NKAIN2: variants seen among roughly 807,000 people sequenced by gnomAD.
NKAIN2 encodes the protein sodium/potassium transporting ATPase interacting 2, also known as sodium/potassium-transporting ATPase subunit beta-1-interacting protein 2.
Under a neutral mutation model 32.6 loss-of-function variants are expected in NKAIN2, and 14 were observed. The observed-to-expected ratio is 0.43, with a 90% CI of 0.28 to 0.67. NKAIN2 has a LOEUF of 0.67. NKAIN2 is among the 30% of genes least tolerant of loss of function. NKAIN2 has a pLI of 0.17. For missense variants in NKAIN2, 198 were observed against 258.3 expected, an observed-to-expected ratio of 0.77 and a Z score of 1.60; for synonymous variants, 80 against 87.2, an observed-to-expected ratio of 0.92 and a Z score of 0.46.
intron 1 of NKAIN2, among the ~76,000 whole-genome samples, chr6:124,253,400 T>C (rs1228927851): frequency 2.0e-5 from 3 of 152,168 alleles, no homozygotes; most frequent in Admixed American, 6.6e-5. Flanking sequence ...GGAAATCATG[T>C]CTTTTGCAAA....
chr6:124,649,152 TAA>T (rs1054849245), intron 3 of NKAIN2, among the ~76,000 whole-genome samples: 1 of 151,858 alleles, frequency 6.6e-6, no homozygotes. Flanking sequence ...TCAATAAAAT[TAA>T]AAATAAGAAA....
chr6:124,413,528 T>G lies in NKAIN2; in HGVS notation c.273+58181T>G, dbSNP rs1774319117. ...TCTTTTTCAAAGATGTTTTGGTGCT[T>G]TTCAAAGTTTTGTGTTTCCATACAA... On this transcript the variant is annotated intron_variant, in intron 3 of 6. Coordinates refer to ENST00000368417, the MANE Select transcript of NKAIN2 (RefSeq NM_001040214.3). 3.3e-5 allele frequency among the ~76,000 whole-genome samples: 5 copies of G among 152,198 alleles called. No individual in the cohort carries two copies. The South Asian group carries it at 1.0e-3, about 32-fold the overall frequency.
intron 4 of NKAIN2, among the ~76,000 whole-genome samples, chr6:124,709,405 G>C (rs1433958532): frequency 6.6e-6 from 1 of 151,326 alleles, no homozygotes; most frequent in African/African-American, 2.4e-5. Flanking sequence ...AATAGTTTCA[G>C]AAGGAATGGT....
intron 3 of NKAIN2, among the ~76,000 whole-genome samples, chr6:124,482,358 C>T (rs929225294): frequency 4.0e-5 from 6 of 150,884 alleles, no homozygotes; most frequent in Middle Eastern, 3.4e-3. Flanking sequence ...AATAAAATTC[C>T]TTTATAATTC....
intron 4 of NKAIN2, among the ~76,000 whole-genome samples, chr6:124,668,829 G>C (rs896539507): frequency 6.6e-6 from 1 of 152,096 alleles, no homozygotes; most frequent in African/African-American, 2.4e-5. Context: ...AAGGAAGCTT[G>C]ATAATAAAAA....
At chr6:123,868,037 T>G (rs1772647751) in intron 1 of NKAIN2, among the ~76,000 whole-genome samples, 1 of 151,902 alleles carries the variant, frequency 6.6e-6, no homozygotes, top group East Asian at 1.9e-4. Context: ...CCCGGCTAAT[T>G]TTTTGTATTT....
intron 1 of NKAIN2, among the ~76,000 whole-genome samples, chr6:123,916,356 G>A (rs1249672735): frequency 1.3e-5 from 2 of 152,206 alleles, no homozygotes; most frequent in East Asian, 1.9e-4. Context: ...TGGTTCAAAC[G>A]ATTCTCCTGC....
rs1582890472 is a variant in NKAIN2 at position 124,231,063 on chromosome 6, A to G, written c.55-51942A>G. On this transcript the variant is annotated intron_variant, in intron 1 of 6. Transcript: ENST00000368417. ...ATACCCTGCAAAACTGCAGGGGCAG[A>G]GCTACCCAAGACCGTGGGAACCCAC... Among the ~76,000 whole-genome samples, 7 of 152,346 alleles carry G rather than the reference A, an allele frequency of 4.6e-5. No homozygotes were observed. The South Asian group carries it at 1.4e-3, about 32-fold the overall frequency.
intron 1 of NKAIN2, among the ~76,000 whole-genome samples, chr6:123,855,524 G>A (rs1478674970): frequency 2.0e-5 from 3 of 152,166 alleles, no homozygotes; most frequent in Admixed American, 2.0e-4. Flanking sequence ...CTGATTCTTT[G>A]TGGTTGGGTG....
intron 2 of NKAIN2, among the ~76,000 whole-genome samples, chr6:124,312,715 A>G (rs577585812): frequency 1.8e-4 from 28 of 152,230 alleles, no homozygotes; most frequent in African/African-American, 6.3e-4. Flanking sequence ...TGAAGCAATG[A>G]ACAATTATGC....
chr6:123,891,107 A>T (rs1773990699), intron 1 of NKAIN2, among the ~76,000 whole-genome samples: 1 of 152,196 alleles, frequency 6.6e-6, no homozygotes, highest in Non-Finnish European at 1.5e-5. Context: ...GGACAAATGT[A>T]TGATTTCACT....
In NKAIN2 at chr6:123,945,534, G is replaced by A. The variant is rs560663458; in HGVS notation, c.54+141280G>A. On this transcript the variant is annotated intron_variant, in intron 1 of 6. Transcript: ENST00000368417. ...TCTTCCTCAATGACTGAGTGACTAT[G>A]AACATGTACTCTGTGGTCCCAGCAG... is the stretch of plus-strand genomic sequence containing the variant. 1.9e-3 allele frequency among the ~76,000 whole-genome samples: 294 copies of A among 152,180 alleles called. 1 individual carries two copies. Among genetic ancestry groups the A allele is most frequent in the South Asian group, 3.7e-3 (18 of 4,828 alleles).
At chr6:124,199,263 A>G (rs1011786786) in intron 1 of NKAIN2, among the ~76,000 whole-genome samples, 5 of 152,214 alleles carry the variant, frequency 3.3e-5, no homozygotes, top group African/African-American at 9.6e-5. Flanking sequence ...AGAAAAATCC[A>G]TCACATTAGT....
chr6:124,411,937 T>A (rs1226489153), intron 3 of NKAIN2, among the ~76,000 whole-genome samples: 1 of 152,204 alleles, frequency 6.6e-6, no homozygotes, highest in Admixed American at 6.5e-5. Context: ...CATTTTGTCT[T>A]CCATCGCTGA....
intron 1 of NKAIN2, among the ~76,000 whole-genome samples, chr6:124,216,066 C>T (rs980366583): frequency 8.1e-5 from 12 of 147,948 alleles, no homozygotes; most frequent in South Asian, 6.4e-4. Context: ...TGCAGTGAGC[C>T]GAGATCGCAC....
At chr6:124,356,402 A>G (rs2115150351) in intron 3 of NKAIN2, among the ~76,000 whole-genome samples, 1 of 152,346 alleles carries the variant, frequency 6.6e-6, no homozygotes, top group Non-Finnish European at 1.5e-5. Flanking sequence ...TATCAAGGAA[A>G]AATCATTTTG....
chr6:123,874,978 A>T (rs1773105668), intron 1 of NKAIN2, among the ~76,000 whole-genome samples: 1 of 151,996 alleles, frequency 6.6e-6, no homozygotes, highest in African/African-American at 2.4e-5. Flanking sequence ...CTATATAGAG[A>T]TTTTAATGAT....
chr6:124,307,305 A>T (rs966185447), intron 2 of NKAIN2, among the ~76,000 whole-genome samples: 1 of 152,152 alleles, frequency 6.6e-6, no homozygotes, highest in Non-Finnish European at 1.5e-5. Flanking sequence ...AAATAGATAA[A>T]ATTTCTTGAA....
chr6:124,422,963 C>A (rs1774823584), intron 3 of NKAIN2, among the ~76,000 whole-genome samples: 1 of 152,060 alleles, frequency 6.6e-6, no homozygotes, highest in South Asian at 2.1e-4. Flanking sequence ...AAATTATTTT[C>A]AAAATAAGAA....
Sources: gnomAD v4.1 joint callset for allele counts (sites outside exome capture counted in the v4.1 genomes callset) on GRCh38, gnomAD v4.1.1 for gene constraint, MANE v1.5 for transcripts, NCBI Gene and HGNC (gene_info 2026-07-23, HGNC 2026-07-21) for gene names.